Variants in ZFHX3 observed in about 807,000 individuals in gnomAD.
ZFHX3 encodes zinc finger homeobox 3.
ZFHX3 carries 42 observed loss-of-function variants against 279.1 expected under a neutral mutation model. The observed-to-expected ratio is 0.15, with a 90% CI of 0.12 to 0.19. The LOEUF is 0.19. Ranked by LOEUF, ZFHX3 falls within the 10% of genes least tolerant of loss-of-function variation. The pLI is 1.00. For synonymous variants in ZFHX3, 2,293 were observed against 1,957.8 expected, an observed-to-expected ratio of 1.17 and a Z score of -4.52; for missense variants, 4,981 against 4,754.0, an observed-to-expected ratio of 1.05 and a Z score of -1.40.
chr16:73,822,551 T>A (rs1261367594), intron 1 of ZFHX3, among the ~76,000 whole-genome samples: 1 of 152,126 alleles, frequency 6.6e-6, no homozygotes, highest in East Asian at 1.9e-4. Flanking sequence ...AAGAACACTA[T>A]AATGCTTTAC....
At chr16:73,201,924 G>A (rs1203893639) in intron 5 of ZFHX3, among the ~76,000 whole-genome samples, 1 of 152,168 alleles carries the variant, frequency 6.6e-6, no homozygotes, top group Non-Finnish European at 1.5e-5. Context: ...ATGAATGAAA[G>A]CCACTTACGG....
chr16:73,607,519 A>AT (rs916128136), intron 2 of ZFHX3, among the ~76,000 whole-genome samples: 57 of 152,200 alleles, frequency 3.7e-4, no homozygotes, highest in African/African-American at 1.1e-3. Context: ...CCAAATGCCC[A>AT]TTTTTCTTCT....
chr16:73,682,995 G>A (rs8050890), intron 1 of ZFHX3, among the ~76,000 whole-genome samples: 3,988 of 48,888 alleles, frequency 0.082, 370 homozygotes, highest in East Asian at 0.19. Flanking sequence ...AGAAAGAAAA[G>A]AAAGAAAGAA....
chr16:73,795,783 G>T (rs563670397), intron 1 of ZFHX3, among the ~76,000 whole-genome samples: 1 of 152,206 alleles, frequency 6.6e-6, no homozygotes, highest in Non-Finnish European at 1.5e-5. Flanking sequence ...AAAAGTGTGA[G>T]TTAAGAGGTC....
chr16:72,815,424 A>T (rs2036578600), intron 5 of ZFHX3, among the ~76,000 whole-genome samples: 1 of 149,110 alleles, frequency 6.7e-6, no homozygotes, highest in Non-Finnish European at 1.5e-5. Context: ...AAAAAAAAAG[A>T]GTTGTGCAAG....
At chr16:73,864,551 T>A (rs1194316012) in intron 1 of ZFHX3, among the ~76,000 whole-genome samples, 3 of 152,128 alleles carry the variant, frequency 2.0e-5, no homozygotes, top group African/African-American at 7.2e-5. Context: ...AAACCCTGTC[T>A]CTACTGGAAA....
rs565753282 is a variant in ZFHX3, at chr16:73,508,575, G to A, written c.-1546-52317C>T. The stretch of plus-strand genomic sequence containing the variant: ...AAACAAATCTTTTGTGTGATCACAT[G>A]GAACCAGTTAGGGAAAATAGTGGGA... On this transcript the variant is annotated intron_variant, in intron 2 of 17. Coordinates refer to the ZFHX3 transcript ENST00000641206. 5.9e-5 allele frequency among the ~76,000 whole-genome samples: 9 copies of A among 152,304 alleles called. No individual in the cohort carries two copies. In the East Asian group the frequency reaches 1.7e-3, roughly 29 times the overall value.
chr16:73,133,259 C>T (rs959701551), intron 6 of ZFHX3, among the ~76,000 whole-genome samples: 15 of 152,178 alleles, frequency 9.9e-5, no homozygotes, highest in African/African-American at 1.4e-4. Context: ...TGGTGGCTTA[C>T]GCCAGTAATC....
chr16:73,030,067 T>C (rs1296147093), intron 1 of ZFHX3, among the ~76,000 whole-genome samples: 2 of 152,020 alleles, frequency 1.3e-5, no homozygotes, highest in Non-Finnish European at 2.9e-5. Flanking sequence ...ACACCCATTC[T>C]CCTCCCAGGG....
intron 6 of ZFHX3, among the ~76,000 whole-genome samples, chr16:73,134,331 C>CT (rs58052486): frequency 0.17 from 8,587 of 50,280 alleles, 1,642 homozygotes; most frequent in East Asian, 0.2. Flanking sequence ...CTCCCCACCT[C>CT]TTTTTTTTTT....
chr16:72,938,186 G>C (rs1313801492), intron 3 of ZFHX3, among the ~76,000 whole-genome samples: 2 of 152,372 alleles, frequency 1.3e-5, no homozygotes, highest in South Asian at 2.1e-4. Flanking sequence ...TGGAAAACCA[G>C]GGATATGTCA....
chr16:73,311,589 CAAAAA>C (rs1156241061), intron 4 of ZFHX3, among the ~76,000 whole-genome samples: 2 of 27,978 alleles, frequency 7.1e-5, no homozygotes, highest in Non-Finnish European at 1.3e-4. Context: ...TACTCCATCT[CAAAAA>C]AAAAAAAAAA....
chr16:73,243,987 G>A (rs894017353), intron 5 of ZFHX3, among the ~76,000 whole-genome samples: 1 of 152,216 alleles, frequency 6.6e-6, no homozygotes, highest in African/African-American at 2.4e-5. Flanking sequence ...TGGATGTGAG[G>A]TCTGTTTTAA....
chr16:73,667,180 T>G (rs2052851582), intron 2 of ZFHX3, among the ~76,000 whole-genome samples: 1 of 151,880 alleles, frequency 6.6e-6, no homozygotes, highest in South Asian at 2.1e-4. Context: ...TTAGTAGAGA[T>G]GGGATTTTGC....
At chr16:72,897,526 A>T (rs1054038375) in intron 3 of ZFHX3, among the ~76,000 whole-genome samples, 2 of 151,780 alleles carry the variant, frequency 1.3e-5, no homozygotes, top group African/African-American at 4.8e-5. Context: ...TACAGCCTCA[A>T]CCTCCCCAGG....
intron 1 of ZFHX3, among the ~76,000 whole-genome samples, chr16:72,967,953 T>A (rs1318191417): frequency 2.1e-5 from 3 of 141,874 alleles, no homozygotes; most frequent in South Asian, 2.3e-4. Flanking sequence ...GTTTGAATAC[T>A]AACAGGATAT....
chr16:73,208,921 T>C (rs913090719), intron 5 of ZFHX3, among the ~76,000 whole-genome samples: 4 of 152,220 alleles, frequency 2.6e-5, no homozygotes, highest in African/African-American at 9.6e-5. Context: ...ATCTGGTAGA[T>C]TAATAATATG....
At chr16:72,792,730 A>G (rs1363930899) in intron 9 of ZFHX3, among the ~76,000 whole-genome samples, 1 of 152,184 alleles carries the variant, frequency 6.6e-6, no homozygotes, top group East Asian at 1.9e-4. Flanking sequence ...GATTACAGGC[A>G]TGAACCACTG....
intron 7 of ZFHX3, 67 bp from the exon 8 acceptor site, chr16:72,800,196 A>C: frequency 7.2e-7 from 1 of 1,395,208 alleles, no homozygotes; most frequent in South Asian, 1.2e-5. Context: ...ATGTTTAAAA[A>C]TTATTTAATA....
Sources: gnomAD v4.1 joint callset for allele counts (sites outside exome capture counted in the v4.1 genomes callset) on GRCh38, gnomAD v4.1.1 for gene constraint, MANE v1.5 for transcripts, NCBI Gene and HGNC (gene_info 2026-07-23, HGNC 2026-07-21) for gene names.